The following DEF6 variants were observed in gnomAD, a reference collection of about 807,000 sequenced individuals.
The protein encoded by DEF6 is DEF6 guanine nucleotide exchange factor, also known as differentially expressed in FDCP 6 homolog.
DEF6 carries 32 observed loss-of-function variants against 80.5 expected under a neutral mutation model. That is an observed-to-expected ratio of 0.40 (90% CI 0.30 to 0.53). The LOEUF is 0.53. Among genes scored for constraint, DEF6 ranks in the 20% least tolerant of loss-of-function variants. DEF6 has a pLI of 0.57. For missense variants in DEF6, 575 were observed against 818.7 expected (o/e 0.70, Z 3.63); for synonymous variants, 300 against 337.9 (o/e 0.89, Z 1.23).
At position 35,319,897 on chromosome 6, in the gene DEF6, G is replaced by A. The variant is rs1435757054; in HGVS notation, c.1461G>A (p.Ala487=). The change falls in exon 9 of 11, where the codon GCG becomes GCA. Residue 487 remains alanine, a synonymous_variant. Coordinates refer to ENST00000316637, the MANE Select transcript of DEF6 (RefSeq NM_022047.4). This position sits in a 1 kb window ranked among gnomAD's most constrained non-coding sequence, Gnocchi z 4.5. ...KEEQERYIER[A]QQEKEELQQE... ...AGCAGGAGCGCTACATCGAACGGGC[G>A]CAGCAGGAGAAGGAAGAGCTGCAGC... is the stretch of plus-strand genomic sequence containing the variant. 3 of 1,576,110 alleles carry A rather than the reference G, an allele frequency of 1.9e-6. No individual in the cohort carries two copies. The highest frequency in any genetic ancestry group is 2.3e-5 in the East Asian group (1 of 43,006).
intron 1 of DEF6, among the ~76,000 whole-genome samples, chr6:35,305,770 G>A (rs925238040): frequency 6.6e-6 from 1 of 152,050 alleles, no homozygotes; most frequent in African/African-American, 2.4e-5. Context: ...ATGAGGTTTC[G>A]CCATGCTGGC....
At position 35,318,316 on chromosome 6, in the gene DEF6, CAGG is replaced by C. The variant is rs1374329300; in HGVS notation, c.1066_1068del (p.Glu356del). The C allele has an allele frequency of 1.9e-6, 3 of 1,549,364 alleles. No homozygotes were observed. The highest frequency in any genetic ancestry group is 1.2e-5 in the South Asian group (1 of 84,676). ...GGAGCTGCTGCGGCTGCAGCAGCTG[CAGG>C]AGGAGAAGGAGCGGAAGCTGCAGGA... is the stretch of plus-strand genomic sequence containing the variant. On this transcript the variant is annotated inframe_deletion, in exon 7 of 11. Transcript: ENST00000316637. This position sits in a 1 kb window ranked among gnomAD's most constrained non-coding sequence, Gnocchi z 5.1.
intron 1 of DEF6, among the ~76,000 whole-genome samples, chr6:35,308,979 A>G (rs1307669628): frequency 1.3e-5 from 2 of 152,146 alleles, no homozygotes; most frequent in African/African-American, 4.8e-5. Context: ...CCTGCACACC[A>G]TTATGACCAC....
In DEF6 at chr6:35,317,885, T is replaced by TGC; in HGVS notation, c.808-5_808-4dup. The TGC allele has an allele frequency of 6.2e-7, 1 of 1,612,212 alleles. No individual in the cohort carries two copies. Among genetic ancestry groups the TGC allele is most frequent in the South Asian group, 1.1e-5 (1 of 90,774 alleles). ...AGCCTGGCTGCGGCCACCTACCCTG[T>TGC]GCCAGGTGCTGCCAGACCGCGACGG... is the stretch of plus-strand genomic sequence containing the variant. On this transcript the variant is annotated splice_region_variant and splice_polypyrimidine_tract_variant and intron_variant, in intron 5 of 10. Coordinates refer to ENST00000316637, the MANE Select transcript of DEF6 (RefSeq NM_022047.4).
intron 1 of DEF6, 70 bp from the exon 2 acceptor site, chr6:35,309,600 G>A (rs1028203412): frequency 6.4e-7 from 1 of 1,563,632 alleles, no homozygotes; most frequent in Non-Finnish European, 8.7e-7. Context: ...GCAGAGAGGT[G>A]GGGAGCAGTC....
In DEF6 at chr6:35,297,862, C is replaced by T; in HGVS notation, c.6C>T (p.Ala2=). 1 of 1,599,754 alleles carries T rather than the reference C, an allele frequency of 6.3e-7. No homozygotes were observed. The highest frequency in any genetic ancestry group is 8.5e-7 in the Non-Finnish European group (1 of 1,174,170). ...GCCGGGCGGGCGCCTCAGCCATGGC[C>T]CTGCGCAAGGAACTGCTCAAGTCCA... M[A]LRKELLKSIW... is the part of the protein sequence containing the mutation. Residue 2 remains alanine (A), a synonymous_variant, in exon 1 of 11, where the codon GCC becomes GCT. Coordinates refer to ENST00000316637, the MANE Select transcript of DEF6 (RefSeq NM_022047.4).
intron 1 of DEF6, among the ~76,000 whole-genome samples, chr6:35,308,370 G>GAAA (rs1292893306): frequency 1.4e-5 from 2 of 147,922 alleles, no homozygotes; most frequent in African/African-American, 5.0e-5. Context: ...TGTCTCTACC[G>GAAA]AAAAAAAAAA....
Position 35,319,126 on chromosome 6 carries a change from GTAGT to G in DEF6, c.1216-395_1216-392del, listed in dbSNP as rs1791556824. Among the ~76,000 whole-genome samples, 1 of 151,916 alleles carries G rather than the reference GTAGT, an allele frequency of 6.6e-6. No homozygotes were observed. Among genetic ancestry groups the G allele is most frequent in the Non-Finnish European group, 1.5e-5 (1 of 68,012 alleles). On this transcript the variant is annotated intron_variant, in intron 7 of 10. Transcript: ENST00000316637. This position sits in a 1 kb window ranked among gnomAD's most constrained non-coding sequence, Gnocchi z 4.5. ...CCAGTAACTTTTTGTTGTAATAATTGTAGTTATAGTCACATCCTTCCTAGCATCA... is the reference window on the plus strand; with the variant it reads ...CCAGTAACTTTTTGTTGTAATAATTGTATAGTCACATCCTTCCTAGCATCA...
rs759341284 is a variant in DEF6 at position 35,312,590 on chromosome 6, G to A, written c.661-36G>A. On this transcript the variant is annotated intron_variant, in intron 4 of 10. Transcript: ENST00000316637. This position sits in a 1 kb window ranked among gnomAD's most constrained non-coding sequence, Gnocchi z 6.6. ...GCACACAAGGTGCAGGGCGAAGGGG[G>A]GCCTGGGAAGCCTCTGACGTAACTC... is the stretch of plus-strand genomic sequence containing the variant. 6.8e-6 allele frequency: 11 copies of A among 1,614,032 alleles called. No homozygotes were observed. The highest frequency in any genetic ancestry group is 5.0e-5 in the Admixed American group (3 of 60,006).
At chr6:35,315,125 C>T (rs1388740851) in intron 5 of DEF6, among the ~76,000 whole-genome samples, 1 of 152,144 alleles carries the variant, frequency 6.6e-6, no homozygotes, top group Non-Finnish European at 1.5e-5. Flanking sequence ...TTCCATTGGT[C>T]TTTGTGTCTC....
At chr6:35,309,916 C>T in intron 2 of DEF6, 106 bp downstream of exon 2, 2 of 1,317,000 alleles carry the variant, frequency 1.5e-6, no homozygotes, top group South Asian at 2.7e-5. Context: ...GCCATAAACT[C>T]CTACTTCTGC....
Position 35,318,007 on chromosome 6 carries a change from C to G in DEF6, c.916+8C>G, listed in dbSNP as rs767159026. 9 of 1,610,306 alleles carry G rather than the reference C, an allele frequency of 5.6e-6. No homozygotes were observed. The highest frequency in any genetic ancestry group is 7.6e-6 in the Non-Finnish European group (9 of 1,178,228). On this transcript the variant is annotated splice_region_variant and intron_variant, in intron 6 of 10. Coordinates refer to ENST00000316637, the MANE Select transcript of DEF6 (RefSeq NM_022047.4). This position sits in a 1 kb window ranked among gnomAD's most constrained non-coding sequence, Gnocchi z 5.1. ...GCCAGGAGTGGACAGCTGGTGAGTG[C>G]TCGCTAGGTGGCTTGGGTCTGGGTG... is the stretch of plus-strand genomic sequence containing the variant.
At position 35,310,984 on chromosome 6, in the gene DEF6, T is replaced by A. The variant is rs77275510; in HGVS notation, c.423+340T>A. On this transcript the variant is annotated intron_variant, in intron 3 of 10. Transcript: ENST00000316637. ...GGCAATCTAGGAAGGGTGCTTTTTTTTCCTTTACCTTTTGCCACTTCTTCC... is the reference window on the plus strand; with the variant it reads ...GGCAATCTAGGAAGGGTGCTTTTTTATCCTTTACCTTTTGCCACTTCTTCC... Among the ~76,000 whole-genome samples the A allele has an allele frequency of 7.4e-4, 113 of 152,324 alleles. 1 individual carries two copies. The East Asian group carries it at 0.013, about 17-fold the overall frequency.
chr6:35,313,255 G>A, intron 5 of DEF6: 2 of 410,344 alleles, frequency 4.9e-6, no homozygotes, highest in Non-Finnish European at 9.4e-6. Flanking sequence ...GTATATATGT[G>A]TGTGTAACAT....
At position 35,301,608 on chromosome 6, in the gene DEF6, G is replaced by T. The variant is rs78039629; in HGVS notation, c.96+3656G>T. ...CAGCCCCTTCTTGCTCTCAGCAGGT[G>T]ACACAGCTAATCCAAAGATTCCCAC... On this transcript the variant is annotated intron_variant, in intron 1 of 10. Coordinates refer to ENST00000316637, the MANE Select transcript of DEF6 (RefSeq NM_022047.4). 5.9e-4 allele frequency among the ~76,000 whole-genome samples: 89 copies of T among 152,116 alleles called. No homozygotes were observed. In the East Asian group the frequency reaches 6.9e-3, roughly 12 times the overall value.
Position 35,318,402 on chromosome 6 carries a change from G to A in DEF6, c.1146G>A (p.Glu382=). The change falls in exon 7 of 11, where the codon GAG becomes GAA. Residue 382 remains glutamate, a synonymous_variant. Coordinates refer to ENST00000316637, the MANE Select transcript of DEF6 (RefSeq NM_022047.4). This position sits in a 1 kb window ranked among gnomAD's most constrained non-coding sequence, Gnocchi z 5.1. ...RQAERLLQEE[E]ERRRSQHREL... Reference sequence around the variant, plus strand: ...CCGAGCGGCTGCTGCAGGAGGAGGAGGAACGGCGCCGCAGCCAGCACCGCG... The same window carrying A: ...CCGAGCGGCTGCTGCAGGAGGAGGAAGAACGGCGCCGCAGCCAGCACCGCG... 2.6e-6 allele frequency: 4 copies of A among 1,530,888 alleles called. No homozygotes were observed. Among genetic ancestry groups the A allele is most frequent in the Non-Finnish European group, 3.5e-6 (4 of 1,143,862 alleles). 94.8% of individuals were successfully genotyped at this position (1,530,888 alleles called of 1,614,324 possible). A position where few individuals can be genotyped will look rare whatever the true frequency, so the allele number is the denominator to read the frequency against.
intron 5 of DEF6, 34 bp from the exon 6 acceptor site, chr6:35,317,857 G>A (rs752949243): frequency 6.3e-7 from 1 of 1,595,950 alleles, no homozygotes; most frequent in Non-Finnish European, 8.5e-7. Context: ...ACCCAGTGAG[G>A]CCAGCCTGGC....
intron 1 of DEF6, among the ~76,000 whole-genome samples, chr6:35,305,999 TCTC>T (rs1791384695): frequency 6.6e-6 from 1 of 151,990 alleles, no homozygotes; most frequent in South Asian, 2.1e-4. Flanking sequence ...TTCAACTGAT[TCTC>T]CTGCCTCAGC....
In DEF6 at chr6:35,316,097, G is replaced by A. The variant is rs556833852; in HGVS notation, c.808-1794G>A. 192 of 166,512 alleles carry A rather than the reference G, an allele frequency of 1.2e-3. 1 individual carries two copies. The highest frequency in any genetic ancestry group is 8.3e-3 in the Middle Eastern group (3 of 360). 10.3% of individuals were successfully genotyped at this position (166,512 alleles called of 1,614,324 possible). ...TTGGCCAGGCTGGTCTCAAACTCCTGACCTCAGATGATCTGCCCACCTCGG... is the reference window on the plus strand; with the variant it reads ...TTGGCCAGGCTGGTCTCAAACTCCTAACCTCAGATGATCTGCCCACCTCGG... On this transcript the variant is annotated intron_variant, in intron 5 of 10. Coordinates refer to ENST00000316637, the MANE Select transcript of DEF6 (RefSeq NM_022047.4).
Sources: allele counts gnomAD v4.1 joint callset (sites outside exome capture counted in the v4.1 genomes callset), GRCh38; gene constraint gnomAD v4.1.1; non-coding constraint Gnocchi (gnomAD v3.1); transcripts MANE v1.5; gene names NCBI Gene and HGNC (gene_info 2026-07-23, HGNC 2026-07-21).